Variants in KHDRBS2 observed in about 807,000 individuals in gnomAD.
The protein encoded by KHDRBS2 is KH RNA binding domain containing, signal transduction associated 2.
Under a neutral mutation model 44.3 loss-of-function variants are expected in KHDRBS2, and 26 were observed. The observed-to-expected ratio is 0.59, with a 90% CI of 0.43 to 0.81. The LOEUF (loss-of-function observed/expected upper bound fraction) is 0.81, where lower values mean the gene tolerates loss of function less well. Ranked by LOEUF, KHDRBS2 falls within the 40% of genes least tolerant of loss-of-function variation. The pLI is 0.00. For synonymous variants in KHDRBS2, 194 were observed against 151.1 expected (o/e 1.28, Z -2.08); for missense variants, 476 against 433.1 (o/e 1.10, Z -0.88).
At chr6:62,223,743 A>G (rs1831288167) in intron 1 of KHDRBS2, among the ~76,000 whole-genome samples, 1 of 152,196 alleles carries the variant, frequency 6.6e-6, no homozygotes, top group African/African-American at 2.4e-5. Context: ...TCTCTAGGGC[A>G]AGGGGAAAAT....
At chr6:61,616,334 C>T in the KHDRBS2 span, among the ~76,000 whole-genome samples, 1 of 151,958 alleles carries the variant, frequency 6.6e-6, no homozygotes, top group African/African-American at 2.4e-5. Context: ...TTATTCTTGT[C>T]CTCAATGACT....
intron 4 of KHDRBS2, among the ~76,000 whole-genome samples, chr6:61,904,993 A>G (rs952449743): frequency 6.6e-6 from 1 of 152,204 alleles, no homozygotes; most frequent in African/African-American, 2.4e-5. Flanking sequence ...CATTCAACAT[A>G]CTTTATACTA....
At chr6:62,255,985 A>G (rs1352115688) in intron 1 of KHDRBS2, among the ~76,000 whole-genome samples, 1 of 151,732 alleles carries the variant, frequency 6.6e-6, no homozygotes, top group African/African-American at 2.4e-5. Context: ...AAAAATAAAA[A>G]TTAGCCAGGC....
chr6:62,080,887 A>C (rs983236452), intron 2 of KHDRBS2, among the ~76,000 whole-genome samples: 7 of 152,120 alleles, frequency 4.6e-5, no homozygotes, highest in African/African-American at 1.7e-4. Context: ...CTCTATTATT[A>C]GAGTATACAG....
chr6:61,799,318 C>T (rs560762564), intron 6 of KHDRBS2, among the ~76,000 whole-genome samples: 59 of 151,948 alleles, frequency 3.9e-4, no homozygotes, highest in African/African-American at 1.4e-3. Flanking sequence ...TATAAAAATG[C>T]ATTCTTATTA....
chr6:62,120,145 GT>G (rs1452219726), intron 2 of KHDRBS2, among the ~76,000 whole-genome samples: 1 of 152,142 alleles, frequency 6.6e-6, no homozygotes, highest in African/African-American at 2.4e-5. Context: ...GTTAAAAAAG[GT>G]TCTAATAGTT....
intron 3 of KHDRBS2, among the ~76,000 whole-genome samples, chr6:61,985,146 A>T (rs1774801497): frequency 6.6e-6 from 1 of 152,190 alleles, no homozygotes; most frequent in South Asian, 2.1e-4. Flanking sequence ...AGCTGTATAA[A>T]TATAATGCTT....
intron 1 of KHDRBS2, among the ~76,000 whole-genome samples, chr6:62,190,315 A>C (rs1362997324): frequency 6.6e-6 from 1 of 152,136 alleles, no homozygotes; most frequent in East Asian, 1.9e-4. Context: ...CACTCTTTAG[A>C]GTGGATTTAT....
intron 3 of KHDRBS2, among the ~76,000 whole-genome samples, chr6:62,046,296 T>C (rs1787677254): frequency 1.3e-5 from 2 of 151,876 alleles, no homozygotes; most frequent in Admixed American, 6.6e-5. Context: ...TCCAAATATA[T>C]GAGAATTAAA....
At chr6:62,152,090 C>A (rs1266912577) in intron 2 of KHDRBS2, among the ~76,000 whole-genome samples, 1 of 151,844 alleles carries the variant, frequency 6.6e-6, no homozygotes, top group East Asian at 1.9e-4. Flanking sequence ...GAGTCCGAGG[C>A]GGGAGGATCA....
intron 6 of KHDRBS2, among the ~76,000 whole-genome samples, chr6:61,872,112 GA>G (rs1360220720): frequency 6.6e-6 from 1 of 151,872 alleles, no homozygotes; most frequent in Non-Finnish European, 1.5e-5. Context: ...AAAGAAAATA[GA>G]AAACAAATGG....
intron 6 of KHDRBS2, among the ~76,000 whole-genome samples, chr6:61,741,531 C>T (rs1176372145): frequency 1.3e-5 from 2 of 151,774 alleles, no homozygotes; most frequent in African/African-American, 4.8e-5. Context: ...CATGAGTATA[C>T]TGTATTTTGC....
chr6:61,630,147 T>C, the KHDRBS2 span: 2 of 152,248 alleles, frequency 1.3e-5, no homozygotes. Context: ...TTATTTTTAC[T>C]ATCTTATTCT....
chr6:61,836,109 T>C (rs961322770), intron 6 of KHDRBS2, among the ~76,000 whole-genome samples: 15 of 151,970 alleles, frequency 9.9e-5, no homozygotes, highest in Admixed American at 9.2e-4. Context: ...GAAGTGGCAA[T>C]ACCCTCTAAT....
intron 2 of KHDRBS2, among the ~76,000 whole-genome samples, chr6:62,092,467 A>G (rs1191085376): frequency 2.0e-5 from 3 of 152,198 alleles, no homozygotes; most frequent in Non-Finnish European, 4.4e-5. Flanking sequence ...CAGATTCTTT[A>G]AAAGTTTCCT....
intron 3 of KHDRBS2, among the ~76,000 whole-genome samples, chr6:62,029,843 TTATATA>T (rs1220077345): frequency 1.3e-5 from 2 of 151,954 alleles, no homozygotes; most frequent in Non-Finnish European, 2.9e-5. Flanking sequence ...TCTATTAATA[TTATATA>T]TAGATATTGC....
At chr6:62,158,407 A>C (rs1172861508) in intron 2 of KHDRBS2, among the ~76,000 whole-genome samples, 1 of 152,180 alleles carries the variant, frequency 6.6e-6, no homozygotes, top group Non-Finnish European at 1.5e-5. Flanking sequence ...GAAGCTGAAA[A>C]ACAGTTAAGA....
chr6:61,787,259 C>T (rs1582842039), intron 6 of KHDRBS2, among the ~76,000 whole-genome samples: 1 of 151,362 alleles, frequency 6.6e-6, no homozygotes, highest in Non-Finnish European at 1.5e-5. Flanking sequence ...GACCTTATCG[C>T]TTATTATCTC....
chr6:62,099,758 G>T (rs1801442537), intron 2 of KHDRBS2, among the ~76,000 whole-genome samples: 2 of 152,146 alleles, frequency 1.3e-5, no homozygotes, highest in Admixed American at 6.5e-5. Flanking sequence ...ACCACATGCA[G>T]TAGACCTACC....
Sources: gnomAD v4.1 joint callset for allele counts (sites outside exome capture counted in the v4.1 genomes callset) on GRCh38, gnomAD v4.1.1 for gene constraint, MANE v1.5 for transcripts, NCBI Gene and HGNC (gene_info 2026-07-23, HGNC 2026-07-21) for gene names.